EIF2B3: variants seen among roughly 807,000 people sequenced by gnomAD.
EIF2B3 encodes the protein eukaryotic translation initiation factor 2B subunit gamma, also known as translation initiation factor eIF2B subunit gamma.
Under a neutral mutation model 54.1 loss-of-function variants are expected in EIF2B3, and 20 were observed. The observed-to-expected ratio is 0.37, with a 90% CI of 0.26 to 0.54. EIF2B3 has a LOEUF of 0.54. Ranked by LOEUF, EIF2B3 falls within the 20% of genes least tolerant of loss-of-function variation. The probability of loss-of-function intolerance (pLI) is 0.86; values close to 1 mark genes in which losing one functional copy is unlikely to be tolerated. For synonymous variants in EIF2B3, 153 were observed against 188.1 expected (o/e 0.81, Z 1.52); for missense variants, 448 against 547.8 (o/e 0.82, Z 1.82).
chr1:44,975,346 A>G lies in EIF2B3; in HGVS notation c.294+2969T>C, dbSNP rs114619579. On this transcript the variant is annotated intron_variant, in intron 3 of 11. Coordinates refer to ENST00000360403, the MANE Select transcript of EIF2B3 (RefSeq NM_020365.5). ...GTTCTGAGAAATCCGGTATGTTCTG[A>G]GAAATGCATTGTTAGGTGATTTCGT... Among the ~76,000 whole-genome samples the G allele has an allele frequency of 9.9e-3, 1,512 of 152,348 alleles. 25 individuals carry two copies. The highest frequency in any genetic ancestry group is 0.034 in the African/African-American group (1,431 of 41,574).
At chr1:44,860,062 C>T (rs1459456998) in intron 10 of EIF2B3, among the ~76,000 whole-genome samples, 3 of 151,700 alleles carry the variant, frequency 2.0e-5, no homozygotes, top group Non-Finnish European at 4.4e-5. Flanking sequence ...AGTGCGGTGG[C>T]GTGATCTGCC....
In EIF2B3 at chr1:44,941,578, G is replaced by T. The variant is rs965531974; in HGVS notation, c.382C>A (p.Leu128Ile). The T allele has an allele frequency of 3.1e-6, 5 of 1,614,004 alleles. No individual in the cohort carries two copies. Among genetic ancestry groups the T allele is most frequent in the Non-Finnish European group, 3.4e-6 (4 of 1,179,996 alleles). The change falls in exon 4 of 12, where the codon CTT becomes ATT. Residue 128 changes from leucine to isoleucine, a missense_variant. Leu to Ile is a conservative substitution (Grantham distance 5). Around this residue, in one of 3 missense-constraint regions of EIF2B3, gnomAD observed 350 missense variants for 414.2 expected, o/e 0.85. Transcript: ENST00000360403. ...VDLFRAYDAS[L>I]AMLMRKGQDS... Reference sequence around the variant, plus strand: ...TGGCCTTTTCTCATCAACATAGCAAGTGATGCATCATAAGCTCTAAACAGG... The same window carrying T: ...TGGCCTTTTCTCATCAACATAGCAATTGATGCATCATAAGCTCTAAACAGG...
chr1:44,877,840 A>T (rs1371024767), intron 8 of EIF2B3, among the ~76,000 whole-genome samples: 1 of 152,210 alleles, frequency 6.6e-6, no homozygotes, highest in East Asian at 1.9e-4. Flanking sequence ...AGGCCTTGTC[A>T]GCACGGCTAC....
rs181108200 is a variant in EIF2B3 at position 44,965,514 on chromosome 1, T to C, written c.294+12801A>G. ...AGTGATTATAAAGACTACTAATGCT[T>C]AGTGGAGGCAACTAATACTACTAAT... On this transcript the variant is annotated intron_variant, in intron 3 of 11. Coordinates refer to ENST00000360403, the MANE Select transcript of EIF2B3 (RefSeq NM_020365.5). Among the ~76,000 whole-genome samples the C allele has an allele frequency of 4.6e-5, 7 of 152,172 alleles. No individual in the cohort carries two copies. The East Asian group carries it at 5.8e-4, about 13-fold the overall frequency.
chr1:44,916,382 T>TG (rs1222764393), intron 5 of EIF2B3, among the ~76,000 whole-genome samples: 2 of 151,692 alleles, frequency 1.3e-5, no homozygotes, highest in Non-Finnish European at 2.9e-5. Context: ...CCACCATGCT[T>TG]GGTTATTTTT....
chr1:44,875,894 C>T (rs922800906), intron 8 of EIF2B3, among the ~76,000 whole-genome samples, 199 bp from the exon 9 acceptor site: 15 of 152,230 alleles, frequency 9.9e-5, no homozygotes, highest in Admixed American at 2.6e-4. Flanking sequence ...GCCTGATTCT[C>T]CTGCCTCAGC....
At chr1:44,920,028 CT>C (rs1281416789) in intron 5 of EIF2B3, among the ~76,000 whole-genome samples, 1 of 147,532 alleles carries the variant, frequency 6.8e-6, no homozygotes, top group African/African-American at 2.5e-5. Context: ...CCTGAATGTC[CT>C]TTTTCTTTCT....
At chr1:44,861,893 T>C (rs1400204518) in intron 10 of EIF2B3, among the ~76,000 whole-genome samples, 1 of 152,204 alleles carries the variant, frequency 6.6e-6, no homozygotes, top group East Asian at 1.9e-4. Context: ...AGTATTATTG[T>C]GCAGCCCAAA....
intron 1 of EIF2B3, among the ~76,000 whole-genome samples, chr1:44,983,387 A>T (rs1161107823): frequency 6.6e-6 from 1 of 152,242 alleles, no homozygotes; most frequent in African/African-American, 2.4e-5. Context: ...ATCAACATCT[A>T]AAGTGCAGCA....
chr1:44,915,299 CAA>C (rs111866175), intron 5 of EIF2B3, among the ~76,000 whole-genome samples: 3 of 144,022 alleles, frequency 2.1e-5, no homozygotes, highest in Admixed American at 6.9e-5. Context: ...GACCCTGTCT[CAA>C]AAAAAAAAAA....
At chr1:44,870,555 A>G (rs1428829332) in intron 10 of EIF2B3, among the ~76,000 whole-genome samples, 1 of 151,778 alleles carries the variant, frequency 6.6e-6, no homozygotes, top group Non-Finnish European at 1.5e-5. Context: ...TTAGTTCCCA[A>G]TCCCCAAGGT....
At chr1:44,984,965 C>T (rs1348590153) in intron 1 of EIF2B3, among the ~76,000 whole-genome samples, 1 of 150,096 alleles carries the variant, frequency 6.7e-6, no homozygotes, top group Non-Finnish European at 1.5e-5. Flanking sequence ...CGCCACCGCG[C>T]CCGGCTAATT....
chr1:44,889,764 A>T (rs1655734887), intron 6 of EIF2B3, among the ~76,000 whole-genome samples: 1 of 151,978 alleles, frequency 6.6e-6, no homozygotes, highest in Non-Finnish European at 1.5e-5. Context: ...CCTGACCTCC[A>T]GTGATCCACC....
chr1:44,877,841 G>T (rs963909880), intron 8 of EIF2B3, among the ~76,000 whole-genome samples: 1 of 152,200 alleles, frequency 6.6e-6, no homozygotes, highest in African/African-American at 2.4e-5. Flanking sequence ...GGCCTTGTCA[G>T]CACGGCTACA....
At chr1:44,925,846 C>T (rs192150534) in intron 5 of EIF2B3, among the ~76,000 whole-genome samples, 2 of 151,374 alleles carry the variant, frequency 1.3e-5, no homozygotes, top group African/African-American at 2.4e-5. Context: ...ATCGCTTGAA[C>T]CTGGGAGGCG....
intron 2 of EIF2B3, among the ~76,000 whole-genome samples, chr1:44,980,600 C>T (rs576471152): frequency 6.6e-6 from 1 of 152,216 alleles, no homozygotes; most frequent in East Asian, 1.9e-4. Context: ...GAAGTCAGGG[C>T]CTGAGCTGTC....
At position 44,880,000 on chromosome 1, in the gene EIF2B3, T is replaced by C; in HGVS notation, c.793A>G (p.Ser265Gly). ...AGTGTATTGGCTTCTTTTATAAAAC[T>C]GTAGATATCTTCAGAACAAACACCC... ...KKELKSLDIY[S>G]FIKEANTLNL... Residue 265 changes from serine to glycine, a missense_variant, in exon 8 of 12, where the codon AGT becomes GGT. Around this residue, in one of 3 missense-constraint regions of EIF2B3, gnomAD observed 350 missense variants for 414.2 expected, o/e 0.85. Coordinates refer to ENST00000360403, the MANE Select transcript of EIF2B3 (RefSeq NM_020365.5). 1 of 1,614,194 alleles carries C rather than the reference T, an allele frequency of 6.2e-7. No individual in the cohort carries two copies. Among genetic ancestry groups the C allele is most frequent in the East Asian group, 2.2e-5 (1 of 44,888 alleles).
chr1:44,861,531 GAT>G (rs1473770641), intron 10 of EIF2B3, among the ~76,000 whole-genome samples: 1 of 152,164 alleles, frequency 6.6e-6, no homozygotes, highest in Non-Finnish European at 1.5e-5. Context: ...TGGAATCTGG[GAT>G]ATAAGTGGGA....
chr1:44,912,031 T>A (rs1251294877), intron 5 of EIF2B3, among the ~76,000 whole-genome samples: 1 of 151,382 alleles, frequency 6.6e-6, no homozygotes, highest in Non-Finnish European at 1.5e-5. Context: ...ACAAAGGACA[T>A]GAACTCATCA....
Sources: allele counts gnomAD v4.1 joint callset (sites outside exome capture counted in the v4.1 genomes callset), GRCh38; gene constraint gnomAD v4.1.1; regional missense constraint gnomAD v4.1.1; transcripts MANE v1.5; gene names NCBI Gene and HGNC (gene_info 2026-07-23, HGNC 2026-07-21).